The following ACMSD variants were observed in gnomAD, a reference collection of about 807,000 sequenced individuals.
ACMSD encodes 2-amino-3-carboxymuconate-6-semialdehyde decarboxylase.
In ACMSD, 37 loss-of-function variants were observed where a neutral mutation model predicts 45.9. That is an observed-to-expected ratio of 0.81 (90% confidence interval 0.62 to 1.06). The LOEUF (loss-of-function observed/expected upper bound fraction) is 1.06, where lower values mean the gene tolerates loss of function less well. ACMSD is among the 50% of genes least tolerant of loss of function. The pLI is 0.00. For missense variants in ACMSD, 434 were observed against 420.9 expected, an observed-to-expected ratio of 1.03 and a Z score of -0.27; for synonymous variants, 138 against 148.8, an observed-to-expected ratio of 0.93 and a Z score of 0.53.
At chr2:134,870,698 A>C (rs1050000735) in intron 6 of ACMSD, among the ~76,000 whole-genome samples, 1 of 152,142 alleles carries the variant, frequency 6.6e-6, no homozygotes, top group Non-Finnish European at 1.5e-5. Flanking sequence ...TGCATCCCAA[A>C]CTGAAGTCGG....
intron 9 of ACMSD, 67 bp from the exon 10 acceptor site, chr2:134,901,731 A>G: frequency 8.7e-7 from 1 of 1,149,318 alleles, no homozygotes; most frequent in Non-Finnish European, 1.2e-6. Flanking sequence ...AAACCTGATC[A>G]ATGTAGTACT....
At chr2:134,848,013 A>G (rs1231703949) in intron 2 of ACMSD, among the ~76,000 whole-genome samples, 1 of 151,970 alleles carries the variant, frequency 6.6e-6, no homozygotes, top group Non-Finnish European at 1.5e-5. Flanking sequence ...CACCATGCCC[A>G]GCTAATTTTG....
chr2:134,883,691 C>T (rs930456687), intron 8 of ACMSD, among the ~76,000 whole-genome samples: 3 of 152,020 alleles, frequency 2.0e-5, no homozygotes, highest in Non-Finnish European at 4.4e-5. Context: ...AAGGTCTCAC[C>T]ATGTTGCCCA....
chr2:134,878,480 C>A (rs1393686448), intron 8 of ACMSD, among the ~76,000 whole-genome samples: 2 of 152,126 alleles, frequency 1.3e-5, no homozygotes, highest in Admixed American at 1.3e-4. Flanking sequence ...ATGCATGCCA[C>A]CACAGCTGGC....
chr2:134,866,134 G>A (rs1263476091), intron 5 of ACMSD, among the ~76,000 whole-genome samples: 3 of 152,094 alleles, frequency 2.0e-5, no homozygotes, highest in Non-Finnish European at 4.4e-5. Flanking sequence ...AAATGAGGGT[G>A]GGAGGAGGGT....
At chr2:134,888,325 C>G (rs953833782) in intron 8 of ACMSD, among the ~76,000 whole-genome samples, 3 of 152,128 alleles carry the variant, frequency 2.0e-5, no homozygotes, top group Admixed American at 6.5e-5. Context: ...GATGAGAAAA[C>G]ACTGCACATC....
chr2:134,852,153 G>C (rs1687375447), intron 2 of ACMSD, among the ~76,000 whole-genome samples: 1 of 152,192 alleles, frequency 6.6e-6, no homozygotes. Flanking sequence ...AACAGAGGTA[G>C]GCAGGGGTTA....
intron 8 of ACMSD, among the ~76,000 whole-genome samples, chr2:134,875,245 A>G (rs938613070): frequency 9.2e-5 from 14 of 152,032 alleles, no homozygotes; most frequent in African/African-American, 3.4e-4. Flanking sequence ...GCCTGCCTCA[A>G]CCTCCCAAAG....
intron 8 of ACMSD, among the ~76,000 whole-genome samples, chr2:134,875,495 T>C (rs992632523): frequency 7.9e-5 from 12 of 152,220 alleles, no homozygotes; most frequent in Non-Finnish European, 1.5e-4. Flanking sequence ...GGTCAGAAAG[T>C]ATTTAAATGG....
At chr2:134,851,852 T>G (rs1367909369) in intron 2 of ACMSD, among the ~76,000 whole-genome samples, 1 of 152,218 alleles carries the variant, frequency 6.6e-6, no homozygotes, top group Non-Finnish European at 1.5e-5. Context: ...TGATTTGCAT[T>G]TCTCTGATGA....
intron 2 of ACMSD, among the ~76,000 whole-genome samples, chr2:134,854,904 C>T (rs529825050): frequency 6.6e-6 from 1 of 152,310 alleles, no homozygotes; most frequent in African/African-American, 2.4e-5. Flanking sequence ...GATTTAAACC[C>T]AGAGCTGTCT....
chr2:134,847,518 GTTA>G, intron 2 of ACMSD, among the ~76,000 whole-genome samples: 1 of 152,232 alleles, frequency 6.6e-6, no homozygotes, highest in East Asian at 1.9e-4. Flanking sequence ...GTGCAGATTT[GTTA>G]CATAGGTATA....
chr2:134,872,746 G>A, intron 8 of ACMSD, 105 bp downstream of exon 8: 1 of 1,352,230 alleles, frequency 7.4e-7, no homozygotes, highest in East Asian at 2.3e-5. Context: ...TGGAAGAAAG[G>A]TATTAGATGA....
rs1469158491 is a variant in ACMSD, at chr2:134,859,300, G to C, written c.142G>C (p.Val48Leu). 1 of 1,614,138 alleles carries C rather than the reference G, an allele frequency of 6.2e-7. No individual in the cohort carries two copies. Among genetic ancestry groups the C allele is most frequent in the Non-Finnish European group, 8.5e-7 (1 of 1,180,008 alleles). The change falls in exon 3 of 10, where the codon GTG becomes CTG. Residue 48 changes from valine to leucine, a missense_variant. Val to Leu is a conservative substitution (Grantham distance 32). Coordinates refer to ENST00000356140, the MANE Select transcript of ACMSD (RefSeq NM_138326.3). The part of the protein sequence containing the change: ...KLLKDGKVFR[V>L]VRENCWDPEV... Reference sequence around the variant, plus strand: ...GTTGAAAGATGGGAAAGTCTTCAGAGTGGTGCGAGAGAATTGCTGGGATCC... The same window carrying C: ...GTTGAAAGATGGGAAAGTCTTCAGACTGGTGCGAGAGAATTGCTGGGATCC...
chr2:134,867,010 A>C (rs1277074746), intron 5 of ACMSD, among the ~76,000 whole-genome samples: 1 of 152,212 alleles, frequency 6.6e-6, no homozygotes, highest in Non-Finnish European at 1.5e-5. Flanking sequence ...CTGGGCTCTG[A>C]GTAACCAGGT....
At chr2:134,887,477 C>T (rs1689528415) in intron 8 of ACMSD, among the ~76,000 whole-genome samples, 1 of 152,176 alleles carries the variant, frequency 6.6e-6, no homozygotes, top group African/African-American at 2.4e-5. Flanking sequence ...GATCTCGGCT[C>T]ACTGCAACCT....
rs139565783 is a variant in ACMSD, at chr2:134,901,702, T to C, written c.949-96T>C. ...AACCTGCTAGTATTTTTCTCTCATA[T>C]TGGGGAGCTGATTTTTTTAAACCTG... On this transcript the variant is annotated intron_variant, in intron 9 of 9. Transcript: ENST00000356140. 1,809 of 750,292 alleles carry C rather than the reference T, an allele frequency of 2.4e-3. 27 individuals are homozygous for C. In the East Asian group the frequency reaches 0.029, roughly 12 times the overall value. 46.5% of individuals were successfully genotyped at this position (750,292 alleles called of 1,614,324 possible).
intron 9 of ACMSD, among the ~76,000 whole-genome samples, chr2:134,899,835 A>G (rs1690397148): frequency 6.6e-6 from 1 of 152,200 alleles, no homozygotes; most frequent in Non-Finnish European, 1.5e-5. Flanking sequence ...TCCAAGATAC[A>G]TTAAATTTTA....
At chr2:134,889,552 AC>A (rs1287326829) in intron 8 of ACMSD, among the ~76,000 whole-genome samples, 1 of 152,222 alleles carries the variant, frequency 6.6e-6, no homozygotes, top group African/African-American at 2.4e-5. Flanking sequence ...AAATAAAATA[AC>A]AGAATAACAA....
Sources: allele counts gnomAD v4.1 joint callset (sites outside exome capture counted in the v4.1 genomes callset), GRCh38; gene constraint gnomAD v4.1.1; transcripts MANE v1.5; gene names NCBI Gene and HGNC (gene_info 2026-07-23, HGNC 2026-07-21).